The following DCHS2 variants were observed in gnomAD, a reference collection of about 807,000 sequenced individuals.
DCHS2 encodes the protein protocadherin-23.
Under a neutral mutation model 182.4 loss-of-function variants are expected in DCHS2, and 142 were observed. The ratio of observed to expected loss-of-function variants is 0.78; its 90% confidence interval spans 0.68 to 0.89. DCHS2 has a LOEUF of 0.89. DCHS2 is among the 40% of genes least tolerant of loss of function. The pLI is 0.00. For synonymous variants in DCHS2, 1,740 were observed against 1,663.3 expected (o/e 1.05, Z -1.12); for missense variants, 4,319 against 4,198.6 (o/e 1.03, Z -0.79).
Position 154,377,371 on chromosome 4 carries a change from T to C in DCHS2, c.2126A>G (p.Tyr709Cys), listed in dbSNP as rs1255483489. ...GATCCGGAATGCCTGAGGTGCTTCA[T>C]AGCTCAGGAATCCATCATAAAGAGA... ...EYSLYDGFLS[Y>C]EAPQAFRIDP... Residue 709 changes from tyrosine (Y) to cysteine (C), a missense_variant, in exon 2 of 20, where the codon TAT becomes TGT. Transcript: ENST00000357232. The C allele has an allele frequency of 2.5e-6, 4 of 1,613,376 alleles. No homozygotes were observed. The highest frequency in any genetic ancestry group is 1.7e-5 in the Admixed American group (1 of 59,970).
Position 154,276,095 on chromosome 4 carries a change from G to A in DCHS2, c.6464-6082C>T, listed in dbSNP as rs73857233. 4.8e-3 allele frequency among the ~76,000 whole-genome samples: 730 copies of A among 152,124 alleles called. 5 individuals are homozygous for A. Among genetic ancestry groups the A allele is most frequent in the African/African-American group, 0.017 (702 of 41,542 alleles). ...GGGACTTGAATCCTTCTTGGCATCT[G>A]CTTACTGTGAAAATTTTAAATAAAA... is the stretch of plus-strand genomic sequence containing the variant. On this transcript the variant is annotated intron_variant, in intron 13 of 19. Transcript: ENST00000357232.
At chr4:154,452,877 A>G (rs1039859794) in intron 1 of DCHS2, among the ~76,000 whole-genome samples, 1 of 152,204 alleles carries the variant, frequency 6.6e-6, no homozygotes, top group Admixed American at 6.5e-5. Flanking sequence ...TCACAAAAGC[A>G]TCATCTTCAG....
At chr4:154,476,692 C>T (rs1735697215) in intron 1 of DCHS2, among the ~76,000 whole-genome samples, 1 of 152,126 alleles carries the variant, frequency 6.6e-6, no homozygotes, top group East Asian at 1.9e-4. Flanking sequence ...AGGTCTCTGC[C>T]ATCATCTCAT....
At chr4:154,288,586 A>G (rs1377089973) in intron 13 of DCHS2, among the ~76,000 whole-genome samples, 1 of 152,142 alleles carries the variant, frequency 6.6e-6, no homozygotes, top group Non-Finnish European at 1.5e-5. Flanking sequence ...TATTTACAGA[A>G]CATTTCATCC....
intron 3 of DCHS2, among the ~76,000 whole-genome samples, chr4:154,363,467 A>G (rs112896448): frequency 1.3e-3 from 196 of 152,302 alleles, no homozygotes; most frequent in African/African-American, 4.5e-3. Context: ...GCACAGAAAG[A>G]CAAATACTGC....
chr4:154,343,301 T>C (rs994226486), intron 3 of DCHS2, among the ~76,000 whole-genome samples: 11 of 152,324 alleles, frequency 7.2e-5, no homozygotes, highest in African/African-American at 2.4e-4. Context: ...TTGTTCCACT[T>C]AAAGTCACCA....
intron 18 of DCHS2, 61 bp downstream of exon 18, chr4:154,240,476 A>G (rs1180575982): frequency 6.4e-7 from 1 of 1,568,988 alleles, no homozygotes; most frequent in East Asian, 2.3e-5. Flanking sequence ...TGGAAGACTT[A>G]CATTATTCTC....
At chr4:154,242,841 A>T in intron 16 of DCHS2, 69 bp from the exon 17 acceptor site, 1 of 1,509,466 alleles carries the variant, frequency 6.6e-7, no homozygotes, top group Non-Finnish European at 8.8e-7. Flanking sequence ...ATAAATATCA[A>T]ATATCTAGTT....
intron 16 of DCHS2, among the ~76,000 whole-genome samples, chr4:154,247,853 G>A (rs1732157120): frequency 6.6e-6 from 1 of 152,106 alleles, no homozygotes; most frequent in South Asian, 2.1e-4. Context: ...TACTTCTGTG[G>A]CACCTTTTCC....
chr4:154,237,102 A>C lies in DCHS2; in HGVS notation c.7550T>G (p.Phe2517Cys), dbSNP rs748032360. ...TCCACCATCACTGGCTTCCACAAGAAATTGAGTTGTTGATATTGTATCCAG... is the reference window on the plus strand; with the variant it reads ...TCCACCATCACTGGCTTCCACAAGACATTGAGTTGTTGATATTGTATCCAG... ...LLLDTISTTQFLVEASDGGNP... is the reference protein window; with the variant it reads ...LLLDTISTTQCLVEASDGGNP... Residue 2517 changes from phenylalanine to cysteine, a missense_variant, in exon 20 of 20, where the codon TTT becomes TGT. Physicochemically the swap from Phe to Cys is radical, Grantham distance 205 (BLOSUM62 -2). Transcript: ENST00000357232. 1.2e-6 allele frequency: 2 copies of C among 1,613,536 alleles called. No homozygotes were observed. Among genetic ancestry groups the C allele is most frequent in the Non-Finnish European group, 1.7e-6 (2 of 1,179,870 alleles).
At position 154,373,039 on chromosome 4, in the gene DCHS2, C is replaced by A. The variant is rs77292557; in HGVS notation, c.2244+4214G>T. Reference sequence around the variant, plus strand: ...CAAAGAGAAGGAATCAGAGGAAAAACCAGAGATTGTCAAGGTAACAACATA... The same window carrying A: ...CAAAGAGAAGGAATCAGAGGAAAAAACAGAGATTGTCAAGGTAACAACATA... On this transcript the variant is annotated intron_variant, in intron 2 of 19. Coordinates refer to ENST00000357232, the MANE Select transcript of DCHS2 (RefSeq NM_001358235.2). Among the ~76,000 whole-genome samples the A allele has an allele frequency of 6.4e-3, 977 of 152,184 alleles. 11 individuals carry two copies. The highest frequency in any genetic ancestry group is 0.022 in the African/African-American group (926 of 41,488).
intron 7 of DCHS2, among the ~76,000 whole-genome samples, chr4:154,327,124 A>G (rs1460231763): frequency 6.6e-6 from 1 of 152,066 alleles, no homozygotes; most frequent in Non-Finnish European, 1.5e-5. Flanking sequence ...CCTAATAGAG[A>G]CAGATCCTAT....
Position 154,298,725 on chromosome 4 carries a change from T to C in DCHS2, c.5606-17A>G. The C allele has an allele frequency of 6.5e-7, 1 of 1,535,038 alleles. No individual in the cohort carries two copies. The highest frequency in any genetic ancestry group is 8.7e-7 in the Non-Finnish European group (1 of 1,143,476). ...TATTTCCATCTATTAAAGAAAACAA[T>C]TACAAATTCATTTGAATTGAAAAAG... On this transcript the variant is annotated splice_polypyrimidine_tract_variant and intron_variant, in intron 12 of 19. Transcript: ENST00000357232.
chr4:154,474,007 G>C (rs1173497144), intron 1 of DCHS2, among the ~76,000 whole-genome samples: 1 of 152,176 alleles, frequency 6.6e-6, no homozygotes, highest in African/African-American at 2.4e-5. Context: ...TTAAAGGTAA[G>C]TAGGTATCAG....
chr4:154,388,494 A>AT (rs35945131), intron 1 of DCHS2, among the ~76,000 whole-genome samples: 26,693 of 130,474 alleles, frequency 0.2, 3,272 homozygotes, highest in African/African-American at 0.28. Flanking sequence ...AATAGATGTA[A>AT]TTTTTTTTTT....
At chr4:154,346,989 T>C (rs1016182842) in intron 3 of DCHS2, among the ~76,000 whole-genome samples, 3 of 151,758 alleles carry the variant, frequency 2.0e-5, no homozygotes, top group Admixed American at 1.3e-4. Flanking sequence ...TAAAGATACG[T>C]CTGTGACAGT....
At chr4:154,319,071 G>T (rs1406274857) in intron 9 of DCHS2, among the ~76,000 whole-genome samples, 3 of 152,062 alleles carry the variant, frequency 2.0e-5, no homozygotes, top group African/African-American at 7.2e-5. Context: ...CTTCAACAAG[G>T]TTTCCAATAC....
At chr4:154,417,128 A>G (rs1318145611) in intron 1 of DCHS2, among the ~76,000 whole-genome samples, 1 of 149,330 alleles carries the variant, frequency 6.7e-6, no homozygotes, top group East Asian at 2.0e-4. Context: ...CCACACAAAA[A>G]CCACCTGTCA....
In DCHS2 at chr4:154,297,763, C is replaced by T. The variant is rs905142508; in HGVS notation, c.6463+88G>A. On this transcript the variant is annotated intron_variant, in intron 13 of 19. Coordinates refer to ENST00000357232, the MANE Select transcript of DCHS2 (RefSeq NM_001358235.2). The stretch of plus-strand genomic sequence containing the variant: ...GAACTAAAAAATGTATAACTGAATG[C>T]GCAATGGCACTCTTGTAGTATAATC... The T allele has an allele frequency of 4.6e-5, 70 of 1,511,374 alleles. No individual in the cohort carries two copies. The Admixed American group carries it at 5.0e-4, about 11-fold the overall frequency. 93.6% of individuals were successfully genotyped at this position (1,511,374 alleles called of 1,614,324 possible).
Sources: allele counts gnomAD v4.1 joint callset (sites outside exome capture counted in the v4.1 genomes callset), GRCh38; gene constraint gnomAD v4.1.1; transcripts MANE v1.5; gene names NCBI Gene and HGNC (gene_info 2026-07-23, HGNC 2026-07-21).